The following VSNL1 variants were observed in gnomAD, a reference collection of about 807,000 sequenced individuals.
The protein encoded by VSNL1 is visinin-like protein 1.
In VSNL1, 6 loss-of-function variants were observed where a neutral mutation model predicts 20.4. That is an observed-to-expected ratio of 0.29 (90% CI 0.16 to 0.58). The LOEUF (loss-of-function observed/expected upper bound fraction) is 0.58. VSNL1 is among the 20% of genes least tolerant of loss of function. The pLI, the probability that VSNL1 is intolerant of heterozygous loss-of-function variation, is 0.90. For missense variants in VSNL1, 100 were observed against 234.5 expected, an observed-to-expected ratio of 0.43 and a Z score of 3.75; for synonymous variants, 93 against 86.4, an observed-to-expected ratio of 1.08 and a Z score of -0.42.
Position 17,577,653 on chromosome 2 carries a change from G to A in VSNL1, c.-5-14417G>A, listed in dbSNP as rs147851392. ...GGCTACCCTTCTATTTAGCATCCAAGTCCTCTCCCATCTGCCCTGGGGACC... is the reference window on the plus strand; with the variant it reads ...GGCTACCCTTCTATTTAGCATCCAAATCCTCTCCCATCTGCCCTGGGGACC... On this transcript the variant is annotated intron_variant, in intron 1 of 3. Coordinates refer to ENST00000295156, the MANE Select transcript of VSNL1 (RefSeq NM_003385.5). Among the ~76,000 whole-genome samples the A allele has an allele frequency of 9.9e-5, 15 of 152,164 alleles. No homozygotes were observed. The East Asian group carries it at 2.9e-3, about 29-fold the overall frequency.
chr2:17,576,095 A>C (rs1443545322), intron 1 of VSNL1, among the ~76,000 whole-genome samples: 1 of 152,188 alleles, frequency 6.6e-6, no homozygotes, highest in East Asian at 1.9e-4. Flanking sequence ...TGGTTTCTGC[A>C]TATAGTCCAC....
At chr2:17,543,971 A>G (rs1663352785) in intron 1 of VSNL1, among the ~76,000 whole-genome samples, 1 of 152,180 alleles carries the variant, frequency 6.6e-6, no homozygotes, top group East Asian at 1.9e-4. Flanking sequence ...TTCTTCTCCA[A>G]AAATGTAATC....
intron 2 of VSNL1, among the ~76,000 whole-genome samples, chr2:17,637,948 G>T (rs980660379): frequency 6.6e-6 from 1 of 152,146 alleles, no homozygotes; most frequent in Non-Finnish European, 1.5e-5. Flanking sequence ...AATGCTGAGC[G>T]GTCAAGTCAA....
At chr2:17,642,681 ATAAAAAAGCAGAACTTCTC>A (rs1308342853) in intron 2 of VSNL1, among the ~76,000 whole-genome samples, 2 of 152,184 alleles carry the variant, frequency 1.3e-5, no homozygotes, top group Non-Finnish European at 2.9e-5. Flanking sequence ...CTCATTTTTT[ATAAAAAAGCAGAACTTCTC>A]TGGGAGTTCA....
At chr2:17,640,835 T>C (rs934227615) in intron 2 of VSNL1, among the ~76,000 whole-genome samples, 3 of 152,240 alleles carry the variant, frequency 2.0e-5, no homozygotes, top group Non-Finnish European at 4.4e-5. Flanking sequence ...GTTGGGAACA[T>C]TCAAAATCCT....
intron 1 of VSNL1, among the ~76,000 whole-genome samples, chr2:17,576,770 T>TTA (rs1198873069): frequency 1.3e-5 from 2 of 152,240 alleles, no homozygotes; most frequent in African/African-American, 4.8e-5. Context: ...TTGCTTTTAT[T>TTA]TAGAGAGTCC....
intron 2 of VSNL1, among the ~76,000 whole-genome samples, chr2:17,606,880 G>C (rs1162985683): frequency 1.3e-5 from 2 of 152,142 alleles, no homozygotes; most frequent in Non-Finnish European, 2.9e-5. Context: ...TTCTGGGGTG[G>C]GAAGGATTCT....
intron 1 of VSNL1, among the ~76,000 whole-genome samples, chr2:17,574,527 C>T (rs2103359236): frequency 6.6e-6 from 1 of 152,282 alleles, no homozygotes; most frequent in Middle Eastern, 3.4e-3. Flanking sequence ...TGAGCGTATT[C>T]AAGTTAGTCC....
In VSNL1 at chr2:17,616,241, G is replaced by A. The variant is rs114237687; in HGVS notation, c.162+24005G>A. ...CTGTGACATTCTCCCTTGGGAGGCT[G>A]TGGTGACAGGAACAAGGCACTCACA... On this transcript the variant is annotated intron_variant, in intron 2 of 3. Coordinates refer to ENST00000295156, the MANE Select transcript of VSNL1 (RefSeq NM_003385.5). Among the ~76,000 whole-genome samples, 396 of 152,380 alleles carry A rather than the reference G, an allele frequency of 2.6e-3. 1 individual carries two copies. Among genetic ancestry groups the A allele is most frequent in the African/African-American group, 9.2e-3 (384 of 41,598 alleles).
At chr2:17,564,124 G>C (rs527848635) in intron 1 of VSNL1, among the ~76,000 whole-genome samples, 2 of 152,220 alleles carry the variant, frequency 1.3e-5, no homozygotes, top group South Asian at 4.1e-4. Context: ...GTTTCAAAAA[G>C]GAAAACAAGG....
intron 2 of VSNL1, among the ~76,000 whole-genome samples, chr2:17,617,367 G>A (rs1283605300): frequency 6.6e-6 from 1 of 152,146 alleles, no homozygotes; most frequent in Non-Finnish European, 1.5e-5. Flanking sequence ...ATGGTGGCAT[G>A]TGTCTGTAGT....
chr2:17,585,382 TAAA>T (rs35397738), intron 1 of VSNL1, among the ~76,000 whole-genome samples: 164 of 141,894 alleles, frequency 1.2e-3, no homozygotes, highest in African/African-American at 3.9e-3. Context: ...GCCTTCATTA[TAAA>T]AAAAAAAAAA....
In VSNL1 at chr2:17,540,736, G is replaced by T. The variant is rs866419080; in HGVS notation, c.-188G>T. On this transcript the variant is annotated 5_prime_UTR_variant, in exon 1 of 4. Coordinates refer to ENST00000295156, the MANE Select transcript of VSNL1 (RefSeq NM_003385.5). ...TTTACCCGAGCGTGTTGCGGCAGCG[G>T]CTGGGCTTGCAAGGCGCGATCCAAG... is the stretch of plus-strand genomic sequence containing the variant. 2.6e-5 allele frequency: 4 copies of T among 152,700 alleles called. No homozygotes were observed. The highest frequency in any genetic ancestry group is 4.8e-5 in the African/African-American group (2 of 41,468). 9.5% of individuals were successfully genotyped at this position (152,700 alleles called of 1,614,324 possible). A position where few individuals can be genotyped will look rare whatever the true frequency, so the allele number is the denominator to read the frequency against.
At chr2:17,549,470 A>C (rs1663477173) in intron 1 of VSNL1, among the ~76,000 whole-genome samples, 1 of 152,220 alleles carries the variant, frequency 6.6e-6, no homozygotes, top group African/African-American at 2.4e-5. Flanking sequence ...TTTAAGCAAA[A>C]TATTTAAGAG....
intron 2 of VSNL1, among the ~76,000 whole-genome samples, chr2:17,640,975 A>T (rs1038890647): frequency 6.6e-6 from 1 of 152,270 alleles, no homozygotes; most frequent in African/African-American, 2.4e-5. Flanking sequence ...ACTTCTGCAG[A>T]TAGAACATGC....
intron 2 of VSNL1, among the ~76,000 whole-genome samples, chr2:17,622,506 AAAAGAAAGAAAG>A (rs1291961474): frequency 0.082 from 10,409 of 126,804 alleles, 923 homozygotes; most frequent in Middle Eastern, 0.14. Flanking sequence ...TCAAAAAAAA[AAAAGAAAGAAAG>A]AAAAGAAAGA....
At chr2:17,556,088 C>A (rs1373018499) in intron 1 of VSNL1, among the ~76,000 whole-genome samples, 1 of 152,188 alleles carries the variant, frequency 6.6e-6, no homozygotes, top group African/African-American at 2.4e-5. Flanking sequence ...ATAACCAATA[C>A]GAACACATCT....
At chr2:17,612,751 G>A (rs1426706234) in intron 2 of VSNL1, among the ~76,000 whole-genome samples, 1 of 152,200 alleles carries the variant, frequency 6.6e-6, no homozygotes, top group Non-Finnish European at 1.5e-5. Context: ...GCTTTAACAT[G>A]TTGCTGGAAG....
intron 1 of VSNL1, among the ~76,000 whole-genome samples, chr2:17,568,786 C>T (rs1558284726): frequency 6.6e-6 from 1 of 152,012 alleles, no homozygotes; most frequent in African/African-American, 2.4e-5. Context: ...AATTTTTATC[C>T]AGTTGAAAAT....
Sources: gnomAD v4.1 joint callset for allele counts (sites outside exome capture counted in the v4.1 genomes callset) on GRCh38, gnomAD v4.1.1 for gene constraint, MANE v1.5 for transcripts, NCBI Gene and HGNC (gene_info 2026-07-23, HGNC 2026-07-21) for gene names.